RPS6KC1: variants seen among roughly 807,000 people sequenced by gnomAD.
RPS6KC1 encodes inactive ribosomal protein S6 kinase delta-1.
RPS6KC1 carries 54 observed loss-of-function variants against 103.8 expected under a neutral mutation model. The ratio of observed to expected loss-of-function variants is 0.52; its 90% CI spans 0.42 to 0.65. The LOEUF (loss-of-function observed/expected upper bound fraction) is 0.65, where lower values mean the gene tolerates loss of function less well. RPS6KC1 is among the 30% of genes least tolerant of loss of function. The pLI, the probability that RPS6KC1 is intolerant of heterozygous loss-of-function variation, is 0.00. For missense variants in RPS6KC1, 1,151 were observed against 1,253.8 expected, an observed-to-expected ratio of 0.92 and a Z score of 1.24; for synonymous variants, 439 against 438.7, an observed-to-expected ratio of 1.00 and a Z score of -0.01.
At chr1:213,129,942 A>G (rs1032707487) in intron 6 of RPS6KC1, 53 bp downstream of exon 6, 65 of 1,469,472 alleles carry the variant, frequency 4.4e-5, no homozygotes, top group South Asian at 5.5e-5. Context: ...GGTATGTGGG[A>G]AAAAAAAGTA....
At chr1:213,203,679 AAAC>A (rs1236281173) in intron 8 of RPS6KC1, among the ~76,000 whole-genome samples, 1 of 152,178 alleles carries the variant, frequency 6.6e-6, no homozygotes, top group Non-Finnish European at 1.5e-5. Context: ...TAGAAAAATC[AAAC>A]AATAAGCTAA....
At chr1:213,631,949 C>G in the RPS6KC1 span, among the ~76,000 whole-genome samples, 1 of 152,150 alleles carries the variant, frequency 6.6e-6, no homozygotes, top group African/African-American at 2.4e-5. Flanking sequence ...ACACTGATCT[C>G]TTCTCCATCA....
the RPS6KC1 span, among the ~76,000 whole-genome samples, chr1:213,747,779 G>A: frequency 6.6e-6 from 1 of 152,198 alleles, no homozygotes; most frequent in Non-Finnish European, 1.5e-5. Context: ...AGGAATGAAA[G>A]TGGGTAATGT....
the RPS6KC1 span, among the ~76,000 whole-genome samples, chr1:213,534,707 C>CA: frequency 6.6e-6 from 1 of 152,164 alleles, no homozygotes; most frequent in Non-Finnish European, 1.5e-5. Context: ...AAGAGATGAA[C>CA]AATTTATTAC....
At chr1:213,772,588 C>G in the RPS6KC1 span, among the ~76,000 whole-genome samples, 11 of 138,842 alleles carry the variant, frequency 7.9e-5, 1 homozygote, top group South Asian at 2.8e-4. Context: ...TCCTTCCCAC[C>G]GCCCACCCCC....
intron 10 of RPS6KC1, among the ~76,000 whole-genome samples, chr1:213,234,013 T>C (rs1380157436): frequency 6.9e-6 from 1 of 145,118 alleles, no homozygotes; most frequent in Admixed American, 6.9e-5. Flanking sequence ...TCTCTCTCTC[T>C]CTTTTTTTTT....
At chr1:213,390,802 T>A in the RPS6KC1 span, among the ~76,000 whole-genome samples, 1,919 of 152,272 alleles carry the variant, frequency 0.013, 35 homozygotes, top group African/African-American at 0.043. Context: ...CTCCTGGGAA[T>A]TACAGACCTA....
At chr1:213,313,154 C>G in the RPS6KC1 span, among the ~76,000 whole-genome samples, 1 of 152,040 alleles carries the variant, frequency 6.6e-6, no homozygotes, top group Non-Finnish European at 1.5e-5. Flanking sequence ...CCCAGAAACC[C>G]AAAGCTCACG....
chr1:213,507,593 G>C, the RPS6KC1 span, among the ~76,000 whole-genome samples: 1 of 150,222 alleles, frequency 6.7e-6, no homozygotes, highest in South Asian at 2.1e-4. Context: ...AACTTATCAG[G>C]TGCCTGTGGT....
At chr1:213,375,736 G>A in the RPS6KC1 span, among the ~76,000 whole-genome samples, 1 of 152,188 alleles carries the variant, frequency 6.6e-6, no homozygotes, top group Non-Finnish European at 1.5e-5. Flanking sequence ...CAGAAATGTG[G>A]CCAGGGCTCA....
chr1:213,109,886 T>A (rs2082853415), intron 4 of RPS6KC1, among the ~76,000 whole-genome samples: 1 of 152,106 alleles, frequency 6.6e-6, no homozygotes, highest in South Asian at 2.1e-4. Context: ...CATATATTTA[T>A]GTTTTTAAGG....
At chr1:213,122,736 T>C (rs777320776) in intron 5 of RPS6KC1, among the ~76,000 whole-genome samples, 26 of 152,302 alleles carry the variant, frequency 1.7e-4, no homozygotes, top group Middle Eastern at 3.4e-3. Flanking sequence ...AGAATATCTC[T>C]TGCATACTCA....
the RPS6KC1 span, among the ~76,000 whole-genome samples, chr1:213,529,669 T>G: frequency 6.6e-6 from 1 of 152,196 alleles, no homozygotes; most frequent in Non-Finnish European, 1.5e-5. Context: ...CTTATTCTGG[T>G]TCACCCAGCT....
chr1:213,706,564 T>G, the RPS6KC1 span, among the ~76,000 whole-genome samples: 1 of 152,162 alleles, frequency 6.6e-6, no homozygotes, highest in African/African-American at 2.4e-5. Context: ...TTATTATTAT[T>G]ATGCTTTATA....
chr1:213,153,006 G>T (rs2089405278), intron 6 of RPS6KC1, among the ~76,000 whole-genome samples: 2 of 152,280 alleles, frequency 1.3e-5, no homozygotes, highest in African/African-American at 4.8e-5. Context: ...AGGAGGCCGA[G>T]GCTGGTGGAT....
chr1:213,155,915 C>T (rs921465990), intron 6 of RPS6KC1, among the ~76,000 whole-genome samples: 6 of 152,148 alleles, frequency 3.9e-5, no homozygotes, highest in African/African-American at 1.4e-4. Flanking sequence ...AGAACCATTT[C>T]TGTATCCTAG....
the RPS6KC1 span, among the ~76,000 whole-genome samples, chr1:213,670,759 C>G: frequency 1.9e-3 from 287 of 152,240 alleles, no homozygotes; most frequent in South Asian, 6.4e-3. Context: ...GGGACAGGTT[C>G]CACTGAACCT....
chr1:213,648,126 C>T, the RPS6KC1 span, among the ~76,000 whole-genome samples: 1 of 152,124 alleles, frequency 6.6e-6, no homozygotes, highest in Non-Finnish European at 1.5e-5. Flanking sequence ...AAGCAAAGCA[C>T]CATGTATTTT....
the RPS6KC1 span, among the ~76,000 whole-genome samples, chr1:213,646,439 G>C: frequency 6.6e-6 from 1 of 152,116 alleles, no homozygotes; most frequent in Non-Finnish European, 1.5e-5. Context: ...GGGGAGAAAT[G>C]CCTGGTGAAA....
Sources: allele counts gnomAD v4.1 joint callset (sites outside exome capture counted in the v4.1 genomes callset), GRCh38; gene constraint gnomAD v4.1.1; transcripts MANE v1.5; gene names NCBI Gene and HGNC (gene_info 2026-07-23, HGNC 2026-07-21).